VRK1: variants seen among roughly 807,000 people sequenced by gnomAD.
VRK1 encodes serine/threonine-protein kinase VRK1.
In VRK1, 33 loss-of-function variants were observed where a neutral mutation model predicts 57.1. That is an observed-to-expected ratio of 0.58 (90% CI 0.44 to 0.77). The LOEUF (loss-of-function observed/expected upper bound fraction) is 0.77, where lower values mean the gene tolerates loss of function less well. Ranked by LOEUF, VRK1 falls within the 30% of genes least tolerant of loss-of-function variation. The pLI, the probability that VRK1 is intolerant of heterozygous loss-of-function variation, is 0.00. For synonymous variants in VRK1, 137 were observed against 147.8 expected, an observed-to-expected ratio of 0.93 and a Z score of 0.53; for missense variants, 413 against 477.3, an observed-to-expected ratio of 0.87 and a Z score of 1.25.
intron 2 of VRK1, among the ~76,000 whole-genome samples, chr14:96,834,930 T>C (rs573115246): frequency 6.6e-6 from 1 of 152,332 alleles, no homozygotes; most frequent in Admixed American, 6.5e-5. Context: ...CCTGTATTAA[T>C]AGAAACCTGT....
chr14:96,847,207 A>C, intron 4 of VRK1, 50 bp from the exon 5 acceptor site: 19 of 1,493,750 alleles, frequency 1.3e-5, no homozygotes, highest in Non-Finnish European at 1.8e-5. Context: ...TTAAAAAATT[A>C]TCATTTATGT....
intron 5 of VRK1, among the ~76,000 whole-genome samples, chr14:96,849,779 A>C (rs1324323382): frequency 6.6e-6 from 1 of 152,166 alleles, no homozygotes; most frequent in Non-Finnish European, 1.5e-5. Flanking sequence ...CTTGAGAATG[A>C]TGGTCTTTTT....
intron 10 of VRK1, among the ~76,000 whole-genome samples, chr14:96,857,878 A>C (rs951805661): frequency 1.3e-5 from 2 of 152,320 alleles, no homozygotes; most frequent in East Asian, 3.9e-4. Context: ...CGAATGAGTC[A>C]CTTACCTTAA....
At chr14:96,836,126 A>T (rs1385587263) in intron 2 of VRK1, among the ~76,000 whole-genome samples, 1 of 152,144 alleles carries the variant, frequency 6.6e-6, no homozygotes, top group African/African-American at 2.4e-5. Context: ...ATGCTTTAAA[A>T]ATTTTTTTAA....
chr14:96,817,742 A>T (rs1715582882), intron 1 of VRK1, among the ~76,000 whole-genome samples: 1 of 152,220 alleles, frequency 6.6e-6, no homozygotes, highest in African/African-American at 2.4e-5. Flanking sequence ...TGAATGAGAA[A>T]TCTATTTACC....
At chr14:96,813,252 T>C (rs565259650) in intron 1 of VRK1, among the ~76,000 whole-genome samples, 27 of 152,326 alleles carry the variant, frequency 1.8e-4, no homozygotes, top group African/African-American at 5.8e-4. Context: ...CTGACTGGGA[T>C]TTTCACCTTA....
chr14:96,826,189 T>A (rs1308327737), intron 1 of VRK1, among the ~76,000 whole-genome samples: 2 of 152,228 alleles, frequency 1.3e-5, no homozygotes, highest in African/African-American at 4.8e-5. Flanking sequence ...TAGCAGAACT[T>A]TTTTTGGAAT....
At chr14:96,859,207 A>G (rs1392371436) in intron 10 of VRK1, among the ~76,000 whole-genome samples, 1 of 152,112 alleles carries the variant, frequency 6.6e-6, no homozygotes, top group African/African-American at 2.4e-5. Context: ...AATAAGATAG[A>G]TTTTTATATA....
chr14:96,829,939 T>G (rs187291396), intron 1 of VRK1, among the ~76,000 whole-genome samples: 185 of 152,318 alleles, frequency 1.2e-3, no homozygotes, highest in African/African-American at 4.3e-3. Context: ...TAGTAGATTC[T>G]TATTGCTGTT....
intron 11 of VRK1, among the ~76,000 whole-genome samples, chr14:96,870,323 A>C (rs548121406): frequency 6.6e-6 from 1 of 152,316 alleles, no homozygotes; most frequent in Admixed American, 6.5e-5. Flanking sequence ...TTAGGCATAA[A>C]ATATTAAAGA....
At position 96,854,249 on chromosome 14, in the gene VRK1, A is replaced by G. The variant is rs562894586; in HGVS notation, c.577-975A>G. 4.6e-5 allele frequency among the ~76,000 whole-genome samples: 7 copies of G among 152,320 alleles called. No individual in the cohort carries two copies. The East Asian group carries it at 1.2e-3, about 25-fold the overall frequency. On this transcript the variant is annotated intron_variant, in intron 7 of 12. Coordinates refer to ENST00000216639, the MANE Select transcript of VRK1 (RefSeq NM_003384.3). ...TAACAACCTGAACAATAAGGGTTCC[A>G]TTAATTGAAATAGTCTGGACTTGTA...
chr14:96,868,379 T>A (rs1888666456), intron 11 of VRK1, among the ~76,000 whole-genome samples: 1 of 152,162 alleles, frequency 6.6e-6, no homozygotes, highest in Non-Finnish European at 1.5e-5. Context: ...TCGGGATTTT[T>A]AAAAAACTTC....
chr14:96,815,499 G>A (rs1235288240), intron 1 of VRK1, among the ~76,000 whole-genome samples: 3 of 152,072 alleles, frequency 2.0e-5, no homozygotes, highest in African/African-American at 7.2e-5. Flanking sequence ...CTTTGGAAAT[G>A]TAAATGTTTT....
intron 1 of VRK1, among the ~76,000 whole-genome samples, chr14:96,821,057 A>G (rs1216059148): frequency 1.3e-5 from 2 of 152,206 alleles, no homozygotes; most frequent in Non-Finnish European, 2.9e-5. Flanking sequence ...CTTCAGAAAC[A>G]TTCTTTCCCT....
intron 11 of VRK1, among the ~76,000 whole-genome samples, chr14:96,867,362 T>G (rs1285759685): frequency 6.6e-6 from 1 of 152,166 alleles, no homozygotes; most frequent in Non-Finnish European, 1.5e-5. Context: ...TTTTCCTAAT[T>G]TTTGTTTTTT....
At chr14:96,852,981 G>T in intron 6 of VRK1, 42 bp downstream of exon 6, 1 of 1,608,676 alleles carries the variant, frequency 6.2e-7, no homozygotes, top group South Asian at 1.1e-5. Flanking sequence ...AAATTGTTTT[G>T]AGTACAGTAA....
At chr14:96,850,409 T>C (rs1887901622) in intron 5 of VRK1, among the ~76,000 whole-genome samples, 2 of 152,234 alleles carry the variant, frequency 1.3e-5, no homozygotes, top group Admixed American at 1.3e-4. Context: ...TCAAAGGTTT[T>C]ACTTTAGAGG....
At chr14:96,855,408 AT>A (rs1888116271) in intron 8 of VRK1, 52 bp downstream of exon 8, 2 of 1,612,908 alleles carry the variant, frequency 1.2e-6, no homozygotes, top group Non-Finnish European at 1.7e-6. Context: ...TTTCACCCAG[AT>A]TCCTACATAG....
intron 4 of VRK1, 99 bp downstream of exon 4, chr14:96,846,263 G>T: frequency 8.2e-7 from 1 of 1,219,004 alleles, no homozygotes. Flanking sequence ...ATGACTCTTT[G>T]TTATTTTTTT....
Sources: gnomAD v4.1 joint callset for allele counts (sites outside exome capture counted in the v4.1 genomes callset) on GRCh38, gnomAD v4.1.1 for gene constraint, MANE v1.5 for transcripts, NCBI Gene and HGNC (gene_info 2026-07-23, HGNC 2026-07-21) for gene names.